The following BCL9L variants were observed in gnomAD, a reference collection of about 807,000 sequenced individuals.
The protein encoded by BCL9L is B-cell CLL/lymphoma 9-like protein.
In BCL9L, 19 loss-of-function variants were observed where a neutral mutation model predicts 99.4. The observed-to-expected ratio is 0.19, with a 90% CI of 0.13 to 0.28. The LOEUF is 0.28. Among genes scored for constraint, BCL9L ranks in the 10% least tolerant of loss-of-function variants. The probability of loss-of-function intolerance (pLI) is 1.00; values close to 1 mark genes in which losing one functional copy is unlikely to be tolerated. For synonymous variants in BCL9L, 900 were observed against 854.8 expected, an observed-to-expected ratio of 1.05 and a Z score of -0.92; for missense variants, 2,023 against 2,101.6, an observed-to-expected ratio of 0.96 and a Z score of 0.73.
rs1312385272 is a variant in BCL9L, at chr11:118,899,608, GGTCAAA to G, written c.3407-106_3407-101del. 8.9e-6 allele frequency: 13 copies of G among 1,461,762 alleles called. 1 individual carries two copies. The African/African-American group carries it at 1.2e-4, about 14-fold the overall frequency. 90.5% of individuals were successfully genotyped at this position (1,461,762 alleles called of 1,614,324 possible). Reference sequence around the variant, plus strand: ...CACTCCCAAGCCAGGGGGTGCCAGAGGTCAAAGTCTTCACCACTGGCTTCCCCTGGC... The same window carrying G: ...CACTCCCAAGCCAGGGGGTGCCAGAGGTCTTCACCACTGGCTTCCCCTGGC... On this transcript the variant is annotated intron_variant, in intron 9 of 9. Transcript: ENST00000683865.
Position 118,910,033 on chromosome 11 carries a change from A to C in BCL9L, c.-76-18T>G. 1 of 1,579,698 alleles carries C rather than the reference A, an allele frequency of 6.3e-7. No homozygotes were observed. The highest frequency in any genetic ancestry group is 1.1e-5 in the South Asian group (1 of 89,578). ...AGCACGGACTGCAGCAACAAGCCCCAAAGAGAAAACTCGTGACTTGGGGAG... is the reference window on the plus strand; with the variant it reads ...AGCACGGACTGCAGCAACAAGCCCCCAAGAGAAAACTCGTGACTTGGGGAG... On this transcript the variant is annotated intron_variant, in intron 2 of 9. Coordinates refer to ENST00000683865, the MANE Select transcript of BCL9L (RefSeq NM_001378213.1).
At position 118,898,972 on chromosome 11, in the gene BCL9L, G is replaced by A. The variant is rs775208557; in HGVS notation, c.3943C>T (p.Arg1315Trp). Residue 1315 changes from arginine (R) to tryptophan (W), a missense_variant, in exon 10 of 10, where the codon CGG (arginine) becomes TGG (tryptophan). By Grantham distance (101) the Arg-to-Trp change is moderately radical (BLOSUM62 -3). Around this residue, in one of 3 missense-constraint regions of BCL9L, gnomAD observed 902 missense variants for 888.2 expected, o/e 1.02. Transcript: ENST00000683865. ...TCGGGGATCCCCGTTGGGGTGGGCC[G>A]GATCACCTCGCTCAGCTCGGGGTCG... ...LNDPELSEVI[R>W]PTPTGIPEFD... 6 of 1,613,156 alleles carry A rather than the reference G, an allele frequency of 3.7e-6. No homozygotes were observed. The highest frequency in any genetic ancestry group is 1.7e-5 in the Admixed American group (1 of 59,960).
Position 118,898,032 on chromosome 11 carries a change from G to A in BCL9L, c.*383C>T, listed in dbSNP as rs565277336. 2.4e-6 allele frequency: 1 copy of A among 419,350 alleles called. No individual in the cohort carries two copies. The highest frequency in any genetic ancestry group is 5.7e-5 in the East Asian group (1 of 17,694). The allele number at this position is 419,350 out of a possible 1,614,324, so 26.0% of individuals were successfully genotyped here. ...GAGACAGGAGCAGAAGGGGCTGGGG[G>A]AGACCTGACCTGTCCTTCCTCTCTC... On this transcript the variant is annotated 3_prime_UTR_variant, in exon 10 of 10. Coordinates refer to ENST00000683865, the MANE Select transcript of BCL9L (RefSeq NM_001378213.1).
Position 118,907,730 on chromosome 11 carries a change from G to A in BCL9L, c.413-128C>T. The A allele has an allele frequency of 3.5e-6, 5 of 1,419,346 alleles. No individual in the cohort carries two copies. In the South Asian group the frequency reaches 5.3e-5, roughly 15 times the overall value. The allele number at this position is 1,419,346 out of a possible 1,614,324, so 87.9% of individuals were successfully genotyped here. A position where few individuals can be genotyped will look rare whatever the true frequency, so the allele number is the denominator to read the frequency against. On this transcript the variant is annotated intron_variant, in intron 4 of 9. Transcript: ENST00000683865. ...GAGGGCACTGCCCAGGCCATGGTGG[G>A]CACTTCGCCAGCCCGTGGCCCCCAC...
chr11:118,904,312 A>G (rs1940416259), intron 5 of BCL9L, among the ~76,000 whole-genome samples: 1 of 152,078 alleles, frequency 6.6e-6, no homozygotes, highest in Non-Finnish European at 1.5e-5. Flanking sequence ...ATGGTGGCGC[A>G]TGGCTGTAAT....
chr11:118,901,544 C>T lies in BCL9L; in HGVS notation c.2199G>A (p.Leu733=). The T allele has an allele frequency of 6.2e-7, 1 of 1,614,146 alleles. No individual in the cohort carries two copies. Among genetic ancestry groups the T allele is most frequent in the Non-Finnish European group, 8.5e-7 (1 of 1,180,022 alleles). ...ACTCCATGCCCATGGGAGTGCCCGCCAGGCCCTCACCACCAGCCATCTGCC... is the reference window on the plus strand; with the variant it reads ...ACTCCATGCCCATGGGAGTGCCCGCTAGGCCCTCACCACCAGCCATCTGCC... The part of the protein sequence containing the change: ...FPGQMAGGEG[L]AGTPMGMEFG... Residue 733 remains leucine (L), a synonymous_variant, in exon 8 of 10, where the codon CTG becomes CTA. Transcript: ENST00000683865. This position sits in a 1 kb window ranked among gnomAD's most constrained non-coding sequence, Gnocchi z 6.6.
chr11:118,919,129 C>G (rs1941071981), intron 1 of BCL9L, among the ~76,000 whole-genome samples: 1 of 136,362 alleles, frequency 7.3e-6, no homozygotes, highest in Non-Finnish European at 1.6e-5. Flanking sequence ...ACCCCCCAAC[C>G]CCCGCCCACC....
rs1939917762 is a variant in BCL9L, at chr11:118,896,318, G to A, written c.*2097C>T. 1 of 156,066 alleles carries A rather than the reference G, an allele frequency of 6.4e-6. No homozygotes were observed. Among genetic ancestry groups the A allele is most frequent in the Admixed American group, 6.6e-5 (1 of 15,224 alleles). 9.7% of individuals were successfully genotyped at this position (156,066 alleles called of 1,614,324 possible). On this transcript the variant is annotated 3_prime_UTR_variant, in exon 10 of 10. Transcript: ENST00000683865. ...ATATATTTATATAATGGTACAAAAT[G>A]GCTGGGGGTGTGGCCATGGATGGAG...
chr11:118,913,561 G>A (rs1565627809), intron 2 of BCL9L, among the ~76,000 whole-genome samples: 1 of 152,194 alleles, frequency 6.6e-6, no homozygotes, highest in Non-Finnish European at 1.5e-5. Flanking sequence ...CTCCCACAGG[G>A]GGAGGGGTAG....
chr11:118,898,598 C>G lies in BCL9L; in HGVS notation c.4317G>C (p.Arg1439=). 1.2e-6 allele frequency: 2 copies of G among 1,612,066 alleles called. No homozygotes were observed. The highest frequency in any genetic ancestry group is 1.7e-6 in the Non-Finnish European group (2 of 1,179,648). The change falls in exon 10 of 10, where the codon CGG becomes CGC. Residue 1439 remains arginine, a synonymous_variant. Coordinates refer to ENST00000683865, the MANE Select transcript of BCL9L (RefSeq NM_001378213.1). ...GGCTGTAGACCTCGCCCCCCACGCC[C>G]CGCTGCTTCATCAGCATGAAATTCT... ...TQQNFMLMKQ[R]GVGGEVYSQP...
In BCL9L at chr11:118,916,641, G is replaced by T. The variant is rs371337627; in HGVS notation, c.-77+2185C>A. Among the ~76,000 whole-genome samples the T allele has an allele frequency of 7.6e-4, 116 of 152,336 alleles. No homozygotes were observed. In the East Asian group the frequency reaches 0.019, roughly 25 times the overall value. On this transcript the variant is annotated intron_variant, in intron 2 of 9. Transcript: ENST00000683865. ...TGATATTACCCCACTCCCCTTCTGG[G>T]CTTCAGGATGCCCCCTCCCTGACCA...
At chr11:118,906,472 AT>A in intron 5 of BCL9L, among the ~76,000 whole-genome samples, 1 of 152,192 alleles carries the variant, frequency 6.6e-6, no homozygotes, top group South Asian at 2.1e-4. Context: ...TGCTCACTCC[AT>A]AACATTTGCT....
chr11:118,910,231 AGCAAGCCTCCGCCCCGACGG>A (rs2137729348), intron 2 of BCL9L: 1 of 459,158 alleles, frequency 2.2e-6, no homozygotes, highest in Admixed American at 3.3e-5. Flanking sequence ...TGCAGTCTCC[AGCAAGCCTCCGCCCCGACGG>A]GCGGCAGAGA....
At chr11:118,910,258 G>A in intron 2 of BCL9L, 1 of 373,044 alleles carries the variant, frequency 2.7e-6, no homozygotes. Flanking sequence ...ACGGGCGGCA[G>A]AGACAGAATT....
Position 118,898,526 on chromosome 11 carries a change from C to T in BCL9L, c.4389G>A (p.Pro1463=), listed in dbSNP as rs776360959. 57 of 1,599,446 alleles carry T rather than the reference C, an allele frequency of 3.6e-5. No homozygotes were observed. The highest frequency in any genetic ancestry group is 6.7e-5 in the East Asian group (3 of 44,524). Residue 1463 remains proline, a synonymous_variant, in exon 10 of 10, where the codon CCG becomes CCA. Coordinates refer to ENST00000683865, the MANE Select transcript of BCL9L (RefSeq NM_001378213.1). ...LSPQGSLMGP[P]PQQNLMVSHP... ...GGGACACCATGAGGTTCTGCTGGGG[C>T]GGGGGGCCCATGAGGGAGCCCTGCG...
In BCL9L at chr11:118,909,766, A is replaced by AC. The variant is rs1221823014; in HGVS notation, c.26+147dup. On this transcript the variant is annotated intron_variant, in intron 3 of 9. Coordinates refer to ENST00000683865, the MANE Select transcript of BCL9L (RefSeq NM_001378213.1). ...CCTCGGGCCAGGCCTTCCCATGCTA[A>AC]CCCCCCTTTAGCCCACTGGTGGCCT... The AC allele has an allele frequency of 2.4e-5, 32 of 1,329,918 alleles. No homozygotes were observed. In the East Asian group the frequency reaches 5.8e-4, roughly 24 times the overall value. The allele number at this position is 1,329,918 out of a possible 1,614,324, so 82.4% of individuals were successfully genotyped here.
At chr11:118,917,678 C>G (rs1043777823) in intron 2 of BCL9L, among the ~76,000 whole-genome samples, 2 of 152,122 alleles carry the variant, frequency 1.3e-5, no homozygotes, top group Middle Eastern at 3.2e-3. Flanking sequence ...CAGGGAAGAT[C>G]AGAGAGAGAG....
At chr11:118,906,476 C>T (rs1471877459) in intron 5 of BCL9L, among the ~76,000 whole-genome samples, 1 of 152,200 alleles carries the variant, frequency 6.6e-6, no homozygotes, top group Non-Finnish European at 1.5e-5. Context: ...CACTCCATAA[C>T]ATTTGCTGAC....
Position 118,898,545 on chromosome 11 carries a change from C to T in BCL9L, c.4370G>A (p.Gly1457Asp). The change falls in exon 10 of 10, where the codon GGC (glycine) becomes GAC (aspartate). Residue 1457 changes from glycine (G) to aspartate (D), a missense_variant. This residue lies in a region of BCL9L where 902 missense variants were observed against 888.2 expected (regional missense o/e 1.02). Transcript: ENST00000683865. ...CTGGGGCGGGGGGCCCATGAGGGAG[C>T]CCTGCGGGGAGAGCATGTGGGGCGG... ...SQPPHMLSPQ[G>D]SLMGPPPQQN... The T allele has an allele frequency of 3.1e-6, 5 of 1,603,534 alleles. No individual in the cohort carries two copies. The highest frequency in any genetic ancestry group is 4.3e-6 in the Non-Finnish European group (5 of 1,173,730).
Sources: allele counts gnomAD v4.1 joint callset (sites outside exome capture counted in the v4.1 genomes callset), GRCh38; gene constraint gnomAD v4.1.1; regional missense constraint gnomAD v4.1.1; non-coding constraint Gnocchi (gnomAD v3.1); transcripts MANE v1.5; gene names NCBI Gene and HGNC (gene_info 2026-07-23, HGNC 2026-07-21).